Variants in KMT5B observed in about 807,000 individuals in gnomAD.
KMT5B encodes the protein lysine methyltransferase 5B.
Under a neutral mutation model 83.2 loss-of-function variants are expected in KMT5B, and 10 were observed. The ratio of observed to expected loss-of-function variants is 0.12; its 90% CI spans 0.07 to 0.20. The LOEUF is 0.20. Among genes scored for constraint, KMT5B ranks in the 10% least tolerant of loss-of-function variants. The probability of loss-of-function intolerance (pLI) is 1.00; values close to 1 mark genes in which losing one functional copy is unlikely to be tolerated. For synonymous variants in KMT5B, 349 were observed against 388.8 expected (o/e 0.90, Z 1.20); for missense variants, 753 against 1,067.2 (o/e 0.71, Z 4.10).
At chr11:68,173,268 T>C (rs1856020695) in intron 6 of KMT5B, among the ~76,000 whole-genome samples, 2 of 152,178 alleles carry the variant, frequency 1.3e-5, no homozygotes, top group African/African-American at 4.8e-5. Flanking sequence ...CTTGAACTCC[T>C]GACCTCAAGT....
intron 10 of KMT5B, chr11:68,166,065 T>C (rs967205904): frequency 4.3e-5 from 66 of 1,548,414 alleles, no homozygotes; most frequent in Admixed American, 1.6e-4. Flanking sequence ...CACTGGACAT[T>C]TAAGTGCCAA....
intron 10 of KMT5B, 115 bp from the exon 11 acceptor site, chr11:68,159,286 C>T (rs887911779): frequency 1.4e-6 from 2 of 1,393,838 alleles, no homozygotes; most frequent in East Asian, 2.5e-5. Context: ...AACGCCAACA[C>T]CACGGCTCCT....
rs1476982619 is a variant in KMT5B, at chr11:68,156,562, T to C, written c.*1126A>G. 3 of 152,644 alleles carry C rather than the reference T, an allele frequency of 2.0e-5. No individual in the cohort carries two copies. Among genetic ancestry groups the C allele is most frequent in the Non-Finnish European group, 2.9e-5 (2 of 68,038 alleles). The allele number at this position is 152,644 out of a possible 1,614,324, so 9.5% of individuals were successfully genotyped here. A position where few individuals can be genotyped will look rare whatever the true frequency, so the allele number is the denominator to read the frequency against. On this transcript the variant is annotated 3_prime_UTR_variant, in exon 11 of 11. Transcript: ENST00000304363. ...TTAAAACTATATATTTATAATTTCC[T>C]ATTTTATTGGCATGAATATTTCTAA...
At chr11:68,162,750 G>A (rs1854974291) in intron 10 of KMT5B, among the ~76,000 whole-genome samples, 1 of 152,116 alleles carries the variant, frequency 6.6e-6, no homozygotes, top group Admixed American at 6.5e-5. Flanking sequence ...TTGATGCTAT[G>A]TATTACATCA....
intron 10 of KMT5B, among the ~76,000 whole-genome samples, chr11:68,162,884 A>G (rs898148202): frequency 1.3e-5 from 2 of 152,226 alleles, no homozygotes; most frequent in Non-Finnish European, 2.9e-5. Context: ...CAGGCAAAGA[A>G]TTTGAGAAAT....
chr11:68,207,246 C>T (rs1860243464), intron 1 of KMT5B, among the ~76,000 whole-genome samples: 1 of 151,992 alleles, frequency 6.6e-6, no homozygotes, highest in South Asian at 2.1e-4. Context: ...CAAGCTACAT[C>T]TCCCATCCTA....
At chr11:68,201,071 T>G (rs1049682046) in intron 1 of KMT5B, among the ~76,000 whole-genome samples, 1 of 152,088 alleles carries the variant, frequency 6.6e-6, no homozygotes, top group African/African-American at 2.4e-5. Flanking sequence ...ACTGCTAAAA[T>G]AAGAAATGTA....
chr11:68,186,437 T>C (rs929820478), intron 2 of KMT5B, among the ~76,000 whole-genome samples: 8 of 152,180 alleles, frequency 5.3e-5, no homozygotes, highest in Non-Finnish European at 1.2e-4. Context: ...ATCCCCACTT[T>C]GCAGGCAACT....
rs781361096 is a variant in KMT5B at position 68,158,778 on chromosome 11, C to G, written c.1568G>C (p.Arg523Thr). Residue 523 changes from arginine to threonine, a missense_variant, in exon 11 of 11, where the codon AGA becomes ACA. By Grantham distance (71) the Arg-to-Thr change is moderately conservative. Coordinates refer to ENST00000304363, the MANE Select transcript of KMT5B (RefSeq NM_017635.5). ...GCTCTCCCCCTGCGAATGAGCACCTCTCACAGGATTCTGTCTGTGTTCTCT... is the reference window on the plus strand; with the variant it reads ...GCTCTCCCCCTGCGAATGAGCACCTGTCACAGGATTCTGTCTGTGTTCTCT... ...AAREHRQNPVRGAHSQGESSP... is the reference protein window; with the variant it reads ...AAREHRQNPVTGAHSQGESSP... 1.9e-6 allele frequency: 3 copies of G among 1,614,216 alleles called. No individual in the cohort carries two copies. Among genetic ancestry groups the G allele is most frequent in the South Asian group, 2.2e-5 (2 of 91,090 alleles).
chr11:68,212,329 G>A (rs1861017595), intron 1 of KMT5B, among the ~76,000 whole-genome samples: 1 of 152,122 alleles, frequency 6.6e-6, no homozygotes, highest in Non-Finnish European at 1.5e-5. Flanking sequence ...CCCCACTCCA[G>A]GTAAATTTCA....
chr11:68,211,942 AC>A (rs1200618101), intron 1 of KMT5B, among the ~76,000 whole-genome samples: 1 of 152,196 alleles, frequency 6.6e-6, no homozygotes, highest in East Asian at 1.9e-4. Flanking sequence ...ACAGGGCCAC[AC>A]CTCTGGTTCA....
At chr11:68,182,384 A>C (rs1590992418) in intron 3 of KMT5B, among the ~76,000 whole-genome samples, 1 of 152,218 alleles carries the variant, frequency 6.6e-6, no homozygotes, top group Non-Finnish European at 1.5e-5. Context: ...GCATTTCAAC[A>C]AACTCCCAGG....
intron 2 of KMT5B, among the ~76,000 whole-genome samples, chr11:68,187,000 C>CTTTTT (rs879872944): frequency 6.8e-6 from 1 of 146,046 alleles, no homozygotes; most frequent in Admixed American, 6.9e-5. Flanking sequence ...ACACAACTCA[C>CTTTTT]TTTTTTTTTT....
chr11:68,173,246 G>T (rs974270263), intron 6 of KMT5B, among the ~76,000 whole-genome samples: 4 of 152,208 alleles, frequency 2.6e-5, no homozygotes, highest in Non-Finnish European at 5.9e-5. Context: ...TCACCATGTT[G>T]GCCAGGCTGG....
intron 4 of KMT5B, chr11:68,176,484 G>A (rs1432680796): frequency 6.6e-6 from 1 of 151,980 alleles, no homozygotes; most frequent in Non-Finnish European, 1.5e-5. Context: ...TTTTCATAAA[G>A]CTAATTCTAA....
Position 68,158,287 on chromosome 11 carries a change from C to G in KMT5B, c.2059G>C (p.Asp687His), listed in dbSNP as rs1216402856. ...TTACTTTTTGCAGTTCTAAAGCTGT[C>G]TTTTGTTTTGAAGCTATCTGATGTC... The part of the protein sequence containing the change: ...VVTSDSFKTK[D>H]SFRTAKSKKK... Residue 687 changes from aspartate (D) to histidine (H), a missense_variant, in exon 11 of 11, where the codon GAC becomes CAC. Physicochemically the swap from Asp to His is moderately conservative, Grantham distance 81. Transcript: ENST00000304363. 6.2e-7 allele frequency: 1 copy of G among 1,614,104 alleles called. No homozygotes were observed. Among genetic ancestry groups the G allele is most frequent in the Non-Finnish European group, 8.5e-7 (1 of 1,180,018 alleles).
intron 10 of KMT5B, among the ~76,000 whole-genome samples, chr11:68,161,376 C>T (rs1201181283): frequency 6.6e-6 from 1 of 152,082 alleles, no homozygotes; most frequent in Admixed American, 6.6e-5. Context: ...GATGTGGCTA[C>T]GATGATCCTT....
In KMT5B at chr11:68,158,970, T is replaced by C. The variant is rs1401186424; in HGVS notation, c.1376A>G (p.Lys459Arg). Residue 459 changes from lysine (K) to arginine (R), a missense_variant, in exon 11 of 11, where the codon AAG becomes AGG. Physicochemically the swap from Lys to Arg is conservative, Grantham distance 26. Transcript: ENST00000304363. ...LSKIKLRNHC[K>R]RLEQKNASRK... ...TGAAGCATTCTTTTGCTCCAGCCGC[T>C]TGCAATGATTTCTCAATTTTATCTT... 7.4e-6 allele frequency: 12 copies of C among 1,612,226 alleles called. No individual in the cohort carries two copies. The South Asian group carries it at 9.9e-5, about 13-fold the overall frequency.
intron 2 of KMT5B, among the ~76,000 whole-genome samples, chr11:68,186,744 T>C (rs1163023285): frequency 2.0e-5 from 3 of 152,232 alleles, no homozygotes; most frequent in Admixed American, 6.5e-5. Context: ...ACATCATTTA[T>C]GGAGGACAAC....
Sources: gnomAD v4.1 joint callset for allele counts (sites outside exome capture counted in the v4.1 genomes callset) on GRCh38, gnomAD v4.1.1 for gene constraint, MANE v1.5 for transcripts, NCBI Gene and HGNC (gene_info 2026-07-23, HGNC 2026-07-21) for gene names.